MYOF: variants seen among roughly 807,000 people sequenced by gnomAD.
MYOF encodes the protein myoferlin.
A neutral mutation model predicts 284.2 loss-of-function variants in MYOF; 244 were observed. That is an observed-to-expected ratio of 0.86 (90% CI 0.77 to 0.95). MYOF has a LOEUF of 0.95. Ranked by LOEUF, MYOF falls within the 40% of genes least tolerant of loss-of-function variation. The probability of loss-of-function intolerance (pLI) is 0.00; values close to 1 mark genes in which losing one functional copy is unlikely to be tolerated. For synonymous variants in MYOF, 904 were observed against 919.7 expected (o/e 0.98, Z 0.31); for missense variants, 2,496 against 2,560.6 (o/e 0.97, Z 0.54).
intron 3 of MYOF, among the ~76,000 whole-genome samples, chr10:93,450,222 T>C (rs1377492901): frequency 6.6e-6 from 1 of 152,090 alleles, no homozygotes; most frequent in African/African-American, 2.4e-5. Context: ...TAAAACCCCA[T>C]CTCTACTAAA....
intron 15 of MYOF, 137 bp downstream of exon 15, chr10:93,397,110 C>A: frequency 1.5e-6 from 1 of 661,438 alleles, no homozygotes. Flanking sequence ...TTTTAAGAAA[C>A]GCCCAGTTCC....
intron 5 of MYOF, among the ~76,000 whole-genome samples, chr10:93,422,283 A>G (rs1319890286): frequency 1.3e-5 from 2 of 152,234 alleles, no homozygotes. Flanking sequence ...TTAGCTGAGC[A>G]AAGTCAGGGA....
At chr10:93,455,204 G>A (rs2056711455) in intron 2 of MYOF, among the ~76,000 whole-genome samples, 1 of 151,042 alleles carries the variant, frequency 6.6e-6, no homozygotes, top group South Asian at 2.1e-4. Context: ...CAGGAGAATT[G>A]CTTGAACCCA....
intron 38 of MYOF, 59 bp from the exon 39 acceptor site, chr10:93,340,223 A>T: frequency 6.3e-7 from 1 of 1,585,650 alleles, no homozygotes; most frequent in Non-Finnish European, 8.6e-7. Flanking sequence ...TCACATAGAT[A>T]TGGAGACCCC....
chr10:93,382,687 T>G (rs962730646), intron 19 of MYOF, among the ~76,000 whole-genome samples: 27 of 152,132 alleles, frequency 1.8e-4, no homozygotes, highest in African/African-American at 6.0e-4. Flanking sequence ...AGCTGGCATA[T>G]CTCCTTCTTT....
intron 1 of MYOF, among the ~76,000 whole-genome samples, chr10:93,465,841 G>T (rs10786102): frequency 0.66 from 99,977 of 152,090 alleles, 33,076 homozygotes; most frequent in South Asian, 0.71. Flanking sequence ...CAGCACCAGG[G>T]CAGCCTCCTT....
chr10:93,370,361 G>A (rs1003435562), intron 24 of MYOF, among the ~76,000 whole-genome samples: 1 of 139,968 alleles, frequency 7.1e-6, no homozygotes, highest in Admixed American at 7.2e-5. Context: ...TCTGTTGCTG[G>A]AGTGCAGTGG....
intron 9 of MYOF, 55 bp downstream of exon 9, chr10:93,403,968 T>C: frequency 6.4e-7 from 1 of 1,569,988 alleles, no homozygotes; most frequent in Non-Finnish European, 8.8e-7. Flanking sequence ...CAGATTTCTA[T>C]TATGAAAGTT....
intron 3 of MYOF, among the ~76,000 whole-genome samples, chr10:93,436,225 A>G (rs1445968146): frequency 6.6e-6 from 1 of 152,178 alleles, no homozygotes; most frequent in Non-Finnish European, 1.5e-5. Flanking sequence ...CTGACCTTTT[A>G]TGGCCTTGAG....
chr10:93,413,496 G>C (rs1847988533), intron 5 of MYOF, among the ~76,000 whole-genome samples: 1 of 152,210 alleles, frequency 6.6e-6, no homozygotes, highest in Non-Finnish European at 1.5e-5. Flanking sequence ...GCTAGCAGTT[G>C]TGCTGGCAGG....
chr10:93,313,274 G>GAAC, intron 50 of MYOF, 64 bp from the exon 51 acceptor site: 1 of 1,491,662 alleles, frequency 6.7e-7, no homozygotes, highest in Non-Finnish European at 9.2e-7. Flanking sequence ...GTTCACAAGT[G>GAAC]AACAGAACGT....
intron 3 of MYOF, among the ~76,000 whole-genome samples, chr10:93,446,267 T>G (rs2056426612): frequency 6.6e-6 from 1 of 152,156 alleles, no homozygotes; most frequent in South Asian, 2.1e-4. Flanking sequence ...TGTTCTAATT[T>G]TTAGTGAAAA....
intron 40 of MYOF, 21 bp from the exon 41 acceptor site, chr10:93,336,067 C>A (rs753768716): frequency 4.4e-6 from 7 of 1,608,886 alleles, no homozygotes; most frequent in Non-Finnish European, 5.9e-6. Flanking sequence ...CCAACAGAGT[C>A]TTAATTTCTC....
intron 3 of MYOF, among the ~76,000 whole-genome samples, chr10:93,434,225 G>A (rs1178012600): frequency 2.0e-5 from 3 of 152,066 alleles, no homozygotes; most frequent in Non-Finnish European, 2.9e-5. Context: ...GAGGCCAGGA[G>A]TTCAAGACCA....
Position 93,402,492 on chromosome 10 carries a change from G to A in MYOF, c.875-145C>T, listed in dbSNP as rs896220599. ...TCCCCAGATGAGTGTCCACTTTCAC[G>A]TCTTCTGTTTTGTACTCTCCCTACA... On this transcript the variant is annotated intron_variant, in intron 10 of 53. Coordinates refer to ENST00000359263, the MANE Select transcript of MYOF (RefSeq NM_013451.4). The A allele has an allele frequency of 1.7e-5, 11 of 661,154 alleles. No individual in the cohort carries two copies. In the African/African-American group the frequency reaches 1.8e-4, roughly 11 times the overall value. 41.0% of individuals were successfully genotyped at this position (661,154 alleles called of 1,614,324 possible). A position where few individuals can be genotyped will look rare whatever the true frequency, so the allele number is the denominator to read the frequency against.
At chr10:93,409,057 C>A in intron 6 of MYOF, 142 bp from the exon 7 acceptor site, 1 of 1,294,000 alleles carries the variant, frequency 7.7e-7, no homozygotes, top group Non-Finnish European at 1.1e-6. Context: ...CAGGTGCTAC[C>A]AATTGGGTGG....
At position 93,336,064 on chromosome 10, in the gene MYOF, A is replaced by T. The variant is rs763936793; in HGVS notation, c.4438-18T>A. The T allele has an allele frequency of 6.2e-7, 1 of 1,610,708 alleles. No homozygotes were observed. The highest frequency in any genetic ancestry group is 1.3e-5 in the African/African-American group (1 of 74,758). On this transcript the variant is annotated intron_variant, in intron 40 of 53. Transcript: ENST00000359263. ...TTATATATCTGAAAACCACCAACAG[A>T]GTCTTAATTTCTCATTAAAATGCAG...
chr10:93,442,241 A>G (rs904541281), intron 3 of MYOF, among the ~76,000 whole-genome samples: 1 of 152,238 alleles, frequency 6.6e-6, no homozygotes, highest in African/African-American at 2.4e-5. Flanking sequence ...ATGCGATTGT[A>G]ACTGAAACAG....
chr10:93,429,513 A>G (rs565304541), intron 4 of MYOF, among the ~76,000 whole-genome samples: 1 of 152,332 alleles, frequency 6.6e-6, no homozygotes, highest in East Asian at 1.9e-4. Context: ...TCATTGACTT[A>G]TACCATCTTT....
Sources: allele counts gnomAD v4.1 joint callset (sites outside exome capture counted in the v4.1 genomes callset), GRCh38; gene constraint gnomAD v4.1.1; transcripts MANE v1.5; gene names NCBI Gene and HGNC (gene_info 2026-07-23, HGNC 2026-07-21).